Variants in PTPRT observed in about 807,000 individuals in gnomAD.
PTPRT encodes the protein receptor-type tyrosine-protein phosphatase T.
PTPRT carries 56 observed loss-of-function variants against 176.8 expected under a neutral mutation model. The observed-to-expected ratio is 0.32, with a 90% CI of 0.26 to 0.40. PTPRT has a LOEUF of 0.40. Among genes scored for constraint, PTPRT ranks in the 10% least tolerant of loss-of-function variants. The pLI is 1.00. For synonymous variants in PTPRT, 783 were observed against 739.0 expected, an observed-to-expected ratio of 1.06 and a Z score of -0.96; for missense variants, 1,540 against 1,908.2, an observed-to-expected ratio of 0.81 and a Z score of 3.60.
intron 9 of PTPRT, among the ~76,000 whole-genome samples, chr20:42,366,566 C>T (rs979040323): frequency 2.6e-5 from 4 of 152,178 alleles, no homozygotes; most frequent in African/African-American, 4.8e-5. Context: ...TTCTTCTGTC[C>T]CATCTGAGTG....
intron 2 of PTPRT, among the ~76,000 whole-genome samples, chr20:42,851,653 G>A (rs781702574): frequency 1.2e-4 from 19 of 152,136 alleles, no homozygotes; most frequent in Admixed American, 3.9e-4. Flanking sequence ...AATATTTTTC[G>A]TAAAGAGCTA....
intron 7 of PTPRT, among the ~76,000 whole-genome samples, chr20:42,546,215 T>G (rs995281544): frequency 1.3e-5 from 2 of 152,172 alleles, no homozygotes; most frequent in African/African-American, 4.8e-5. Flanking sequence ...TACAGCAGAT[T>G]CACAGAGACT....
intron 2 of PTPRT, among the ~76,000 whole-genome samples, chr20:42,875,142 A>G (rs2078909628): frequency 6.6e-6 from 1 of 152,190 alleles, no homozygotes; most frequent in Non-Finnish European, 1.5e-5. Context: ...CAGAAAACTG[A>G]GTGTCAAGGC....
chr20:42,650,470 A>C (rs570613593), intron 7 of PTPRT, among the ~76,000 whole-genome samples: 1 of 152,314 alleles, frequency 6.6e-6, no homozygotes, highest in Admixed American at 6.5e-5. Context: ...AATCATGAAA[A>C]ACAATTGCTC....
chr20:42,220,728 C>A (rs1020357127), intron 15 of PTPRT, among the ~76,000 whole-genome samples: 5 of 152,100 alleles, frequency 3.3e-5, no homozygotes, highest in Non-Finnish European at 7.4e-5. Flanking sequence ...GAATAAAATT[C>A]TCTCCAAGGT....
chr20:43,128,289 C>A (rs138541804), intron 1 of PTPRT, among the ~76,000 whole-genome samples: 2 of 152,120 alleles, frequency 1.3e-5, no homozygotes, highest in Non-Finnish European at 2.9e-5. Flanking sequence ...TACAAAGAAA[C>A]GTCAGAAAAT....
intron 16 of PTPRT, among the ~76,000 whole-genome samples, chr20:42,162,845 T>C (rs145829004): frequency 1.0e-3 from 155 of 152,372 alleles, no homozygotes; most frequent in African/African-American, 3.6e-3. Flanking sequence ...ACATGGATCC[T>C]GTGTGTGAAT....
intron 1 of PTPRT, among the ~76,000 whole-genome samples, chr20:42,887,412 T>G (rs2079120653): frequency 6.6e-6 from 1 of 152,334 alleles, no homozygotes; most frequent in African/African-American, 2.4e-5. Context: ...CTCGATCTTA[T>G]ACTTCCTAGT....
At chr20:43,142,348 G>A (rs934898519) in intron 1 of PTPRT, among the ~76,000 whole-genome samples, 7 of 152,222 alleles carry the variant, frequency 4.6e-5, no homozygotes, top group South Asian at 2.1e-4. Flanking sequence ...ACTGTCCCCC[G>A]GGCAGGATTT....
At chr20:42,663,294 G>T (rs1358502489) in intron 7 of PTPRT, among the ~76,000 whole-genome samples, 3 of 152,114 alleles carry the variant, frequency 2.0e-5, no homozygotes, top group South Asian at 2.1e-4. Flanking sequence ...CAATTTGGGA[G>T]GGAGGAAACA....
At chr20:42,927,566 GAAGAAAGAAAAGC>G (rs1315219914) in intron 1 of PTPRT, among the ~76,000 whole-genome samples, 5 of 151,794 alleles carry the variant, frequency 3.3e-5, no homozygotes, top group South Asian at 4.2e-4. Context: ...CCATCAAAAA[GAAGAAAGAAAAGC>G]AAGAAAGAAA....
At chr20:42,336,261 G>T (rs2058038052) in intron 11 of PTPRT, among the ~76,000 whole-genome samples, 2 of 152,270 alleles carry the variant, frequency 1.3e-5, no homozygotes, top group South Asian at 4.1e-4. Context: ...AGGAAGGGAG[G>T]TATTGGATGA....
intron 2 of PTPRT, among the ~76,000 whole-genome samples, chr20:42,861,404 T>A (rs1016300004): frequency 6.6e-6 from 1 of 152,220 alleles, no homozygotes; most frequent in Non-Finnish European, 1.5e-5. Context: ...TATTTTCAAA[T>A]GTATTTTTCA....
At chr20:42,831,202 T>A (rs1291074796) in intron 2 of PTPRT, among the ~76,000 whole-genome samples, 1 of 151,908 alleles carries the variant, frequency 6.6e-6, no homozygotes, top group African/African-American at 2.4e-5. Context: ...TGAAACGTAA[T>A]AGAAAGCCCA....
rs1171259108 is a variant in PTPRT at position 43,030,644 on chromosome 20, A to G, written c.89-144712T>C. On this transcript the variant is annotated intron_variant, in intron 1 of 30. Coordinates refer to ENST00000373187, the MANE Select transcript of PTPRT (RefSeq NM_007050.6). ...CACTGGAATCAGGTTGAGAATACCG[A>G]AAGGCCATTCCAAGGAGGTTTGACT... 4.6e-5 allele frequency among the ~76,000 whole-genome samples: 7 copies of G among 152,364 alleles called. No homozygotes were observed. The East Asian group carries it at 7.7e-4, about 17-fold the overall frequency.
intron 7 of PTPRT, among the ~76,000 whole-genome samples, chr20:42,497,466 T>C (rs1424554102): frequency 2.0e-5 from 3 of 152,076 alleles, no homozygotes; most frequent in African/African-American, 4.8e-5. Flanking sequence ...GGTTTGTTTG[T>C]TTGAGACAAA....
chr20:42,819,274 A>G (rs892834756), intron 2 of PTPRT, among the ~76,000 whole-genome samples: 1 of 152,180 alleles, frequency 6.6e-6, no homozygotes, highest in Non-Finnish European at 1.5e-5. Context: ...AGAATTTTCA[A>G]CTCAGAATTT....
At chr20:43,082,600 T>C (rs1477622917) in intron 1 of PTPRT, among the ~76,000 whole-genome samples, 1 of 152,238 alleles carries the variant, frequency 6.6e-6, no homozygotes, top group African/African-American at 2.4e-5. Flanking sequence ...TCCCTCCCCC[T>C]GTTTTTTCAG....
chr20:42,091,198 C>T (rs1984579274), intron 27 of PTPRT, among the ~76,000 whole-genome samples: 1 of 152,354 alleles, frequency 6.6e-6, no homozygotes, highest in African/African-American at 2.4e-5. Flanking sequence ...AGCCCTGGAA[C>T]AGCTGCCATA....
Sources: gnomAD v4.1 joint callset for allele counts (sites outside exome capture counted in the v4.1 genomes callset) on GRCh38, gnomAD v4.1.1 for gene constraint, MANE v1.5 for transcripts, NCBI Gene and HGNC (gene_info 2026-07-23, HGNC 2026-07-21) for gene names.